Variants in RBFOX1 observed in about 807,000 individuals in gnomAD.
The protein encoded by RBFOX1 is RNA binding protein fox-1 homolog 1.
RBFOX1 carries 8 observed loss-of-function variants against 57.7 expected under a neutral mutation model. That is an observed-to-expected ratio of 0.14 (90% CI 0.08 to 0.25). RBFOX1 has a LOEUF of 0.25. Ranked by LOEUF, RBFOX1 falls within the 10% of genes least tolerant of loss-of-function variation. RBFOX1 has a pLI of 1.00. For missense variants in RBFOX1, 611 were observed against 548.5 expected (o/e 1.11, Z -1.14); for synonymous variants, 326 against 222.4 (o/e 1.47, Z -4.15).
rs556609531 is a variant in RBFOX1 at position 6,287,276 on chromosome 16, G to C, written c.-126-29719G>C. The stretch of plus-strand genomic sequence containing the variant: ...CTAATGACTATTTAAAATGGCCAAC[G>C]AGTGCCACCAAAAATAGTCATGGTG... On this transcript the variant is annotated intron_variant, in intron 1 of 15. Transcript: ENST00000550418. Among the ~76,000 whole-genome samples, 3 of 152,250 alleles carry C rather than the reference G, an allele frequency of 2.0e-5. No homozygotes were observed. The East Asian group carries it at 5.8e-4, about 29-fold the overall frequency.
At chr16:6,350,122 C>T (rs2086047458) in intron 2 of RBFOX1, among the ~76,000 whole-genome samples, 1 of 152,082 alleles carries the variant, frequency 6.6e-6, no homozygotes, top group East Asian at 1.9e-4. Context: ...TTATTTGTGG[C>T]GTATAGACAA....
intron 3 of RBFOX1, among the ~76,000 whole-genome samples, chr16:6,955,750 C>T (rs574009140): frequency 6.6e-6 from 1 of 151,130 alleles, no homozygotes; most frequent in Non-Finnish European, 1.5e-5. Context: ...GTTCCCCAAG[C>T]TGGAGTGCAG....
At chr16:6,680,166 A>G (rs1388618977) in intron 3 of RBFOX1, among the ~76,000 whole-genome samples, 1 of 151,898 alleles carries the variant, frequency 6.6e-6, no homozygotes. Flanking sequence ...GAATGAGAAG[A>G]GATAGAATAG....
intron 5 of RBFOX1, among the ~76,000 whole-genome samples, chr16:7,556,383 G>A (rs550038867): frequency 2.0e-5 from 3 of 152,270 alleles, no homozygotes; most frequent in Middle Eastern, 3.4e-3. Context: ...CATCAAGTCA[G>A]TAGTTGTTTG....
chr16:6,597,155 C>T (rs746993017), intron 2 of RBFOX1, among the ~76,000 whole-genome samples: 8 of 152,142 alleles, frequency 5.3e-5, no homozygotes, highest in South Asian at 2.1e-4. Context: ...TAAAATGAAA[C>T]CTAGCAAATT....
chr16:6,142,616 A>G (rs1364067922), intron 1 of RBFOX1, among the ~76,000 whole-genome samples: 3 of 152,220 alleles, frequency 2.0e-5, no homozygotes, highest in African/African-American at 7.2e-5. Context: ...TTTGACCAGC[A>G]CATAGATGAA....
intron 4 of RBFOX1, among the ~76,000 whole-genome samples, chr16:7,105,592 T>A (rs2151455075): frequency 6.6e-6 from 1 of 152,238 alleles, no homozygotes. Flanking sequence ...GGTTTTGCAT[T>A]CCTGAGTTAG....
At chr16:7,294,108 G>C (rs1319467742) in intron 4 of RBFOX1, among the ~76,000 whole-genome samples, 1 of 152,186 alleles carries the variant, frequency 6.6e-6, no homozygotes, top group African/African-American at 2.4e-5. Flanking sequence ...AGGTTTGCTT[G>C]AGTTTAATCC....
At chr16:6,539,933 G>A (rs2096790019) in intron 2 of RBFOX1, among the ~76,000 whole-genome samples, 1 of 151,972 alleles carries the variant, frequency 6.6e-6, no homozygotes, top group Non-Finnish European at 1.5e-5. Context: ...AACTTTAAAT[G>A]GTTTTCCCCA....
chr16:7,437,212 C>G (rs1277572738), intron 4 of RBFOX1, among the ~76,000 whole-genome samples: 1 of 151,998 alleles, frequency 6.6e-6, no homozygotes. Context: ...CACAAACAAA[C>G]ATACTATCCT....
At chr16:5,270,484 T>G in intron 1 of RBFOX1, 1 of 716,482 alleles carries the variant, frequency 1.4e-6, no homozygotes, top group Admixed American at 1.8e-5. Context: ...ATGGCATGGG[T>G]CTTACCTGTG....
chr16:5,574,577 G>A (rs2046392661), intron 2 of RBFOX1, among the ~76,000 whole-genome samples: 1 of 151,912 alleles, frequency 6.6e-6, no homozygotes, highest in Non-Finnish European at 1.5e-5. Flanking sequence ...ACCACGCCCA[G>A]CAATTTTTTG....
At chr16:7,559,419 C>G (rs2089734932) in intron 5 of RBFOX1, among the ~76,000 whole-genome samples, 1 of 152,182 alleles carries the variant, frequency 6.6e-6, no homozygotes, top group African/African-American at 2.4e-5. Context: ...TCTTGCTTGA[C>G]TCCAGTCAGA....
intron 4 of RBFOX1, among the ~76,000 whole-genome samples, chr16:7,290,695 G>C (rs1017055023): frequency 6.6e-6 from 1 of 152,222 alleles, no homozygotes; most frequent in African/African-American, 2.4e-5. Flanking sequence ...GCAACATTAA[G>C]AGGGGAAAAA....
rs572199148 is a variant in RBFOX1 at position 6,830,398 on chromosome 16, G to A, written c.-16+175748G>A. Among the ~76,000 whole-genome samples the A allele has an allele frequency of 2.0e-4, 30 of 152,042 alleles. No homozygotes were observed. The South Asian group carries it at 2.5e-3, about 13-fold the overall frequency. On this transcript the variant is annotated intron_variant, in intron 3 of 15. Transcript: ENST00000550418. Reference sequence around the variant, plus strand: ...CAGTTTATCTTTGAATTTTACTAACGGGAAGTAATAATAGATCAATGAAGA... The same window carrying A: ...CAGTTTATCTTTGAATTTTACTAACAGGAAGTAATAATAGATCAATGAAGA...
At chr16:5,791,086 C>G (rs1181632879) in intron 3 of RBFOX1, among the ~76,000 whole-genome samples, 2 of 152,038 alleles carry the variant, frequency 1.3e-5, no homozygotes, top group African/African-American at 4.8e-5. Context: ...CCAGGCCGGT[C>G]TCAGCTCCTG....
intron 1 of RBFOX1, among the ~76,000 whole-genome samples, chr16:6,099,221 T>A (rs189985937): frequency 7.9e-5 from 12 of 152,338 alleles, no homozygotes; most frequent in African/African-American, 2.9e-4. Context: ...AAGAAAGTGT[T>A]AAGAGGGCCT....
At chr16:5,762,884 G>A (rs540262479) in intron 3 of RBFOX1, among the ~76,000 whole-genome samples, 10 of 152,238 alleles carry the variant, frequency 6.6e-5, no homozygotes, top group African/African-American at 1.4e-4. Flanking sequence ...ATATGTATCC[G>A]TAAATAAAAT....
chr16:7,626,857 C>G (rs1035372669), intron 10 of RBFOX1, among the ~76,000 whole-genome samples: 1 of 152,088 alleles, frequency 6.6e-6, no homozygotes, highest in Non-Finnish European at 1.5e-5. Flanking sequence ...ATGCATTAAT[C>G]CTTCTGAGGA....
Sources: allele counts gnomAD v4.1 joint callset (sites outside exome capture counted in the v4.1 genomes callset), GRCh38; gene constraint gnomAD v4.1.1; transcripts MANE v1.5; gene names NCBI Gene and HGNC (gene_info 2026-07-23, HGNC 2026-07-21).